CA1: variants seen among roughly 807,000 people sequenced by gnomAD.
The protein encoded by CA1 is carbonic anhydrase 1.
A neutral mutation model predicts 28.8 loss-of-function variants in CA1; 27 were observed. The ratio of observed to expected loss-of-function variants is 0.94; its 90% CI spans 0.69 to 1.29. The LOEUF (loss-of-function observed/expected upper bound fraction) is 1.29. CA1 is among the 50% of genes most tolerant of loss of function. The probability of loss-of-function intolerance (pLI) is 0.00; values close to 1 mark genes in which losing one functional copy is unlikely to be tolerated. For missense variants in CA1, 335 were observed against 310.5 expected (o/e 1.08, Z -0.59); for synonymous variants, 121 against 108.8 (o/e 1.11, Z -0.70).
chr8:85,343,952 T>C (rs745439423), intron 1 of CA1, among the ~76,000 whole-genome samples: 11 of 151,266 alleles, frequency 7.3e-5, no homozygotes, highest in Non-Finnish European at 1.3e-4. Context: ...TCAAGATGTT[T>C]AGTTTTGTAT....
chr8:85,354,130 A>ATT (rs111936911), intron 1 of CA1, among the ~76,000 whole-genome samples: 23 of 137,820 alleles, frequency 1.7e-4, no homozygotes, highest in African/African-American at 3.2e-4. Flanking sequence ...CACCCAGCTA[A>ATT]TTTTTTTTTT....
At chr8:85,369,192 G>T (rs1400791920) in intron 1 of CA1, among the ~76,000 whole-genome samples, 2 of 152,126 alleles carry the variant, frequency 1.3e-5, no homozygotes, top group African/African-American at 2.4e-5. Context: ...TTTACTTTGT[G>T]AAAGCTCTTA....
chr8:85,347,288 A>G (rs1197314942), intron 1 of CA1, among the ~76,000 whole-genome samples: 2 of 152,192 alleles, frequency 1.3e-5, no homozygotes, highest in African/African-American at 2.4e-5. Flanking sequence ...GTGTGTCTCA[A>G]CCAATCCTTT....
intron 1 of CA1, among the ~76,000 whole-genome samples, chr8:85,361,549 C>T (rs1809797359): frequency 6.6e-6 from 1 of 151,982 alleles, no homozygotes; most frequent in Non-Finnish European, 1.5e-5. Context: ...TGGTGGCAGC[C>T]ACCTGTAATC....
chr8:85,353,567 T>A (rs1461896072), intron 1 of CA1, among the ~76,000 whole-genome samples: 2 of 152,244 alleles, frequency 1.3e-5, no homozygotes, highest in East Asian at 3.8e-4. Flanking sequence ...CATTAGAATT[T>A]GGCCCTATTA....
chr8:85,339,645 G>A (rs1271612699), intron 2 of CA1, among the ~76,000 whole-genome samples: 1 of 152,206 alleles, frequency 6.6e-6, no homozygotes, highest in Non-Finnish European at 1.5e-5. Flanking sequence ...CAAGAGTTGA[G>A]ACAGGCCAAA....
intron 1 of CA1, among the ~76,000 whole-genome samples, chr8:85,348,006 T>A (rs536799238): frequency 4.1e-4 from 62 of 152,316 alleles, no homozygotes; most frequent in African/African-American, 1.4e-3. Context: ...TGGGAATCTA[T>A]GTTTTTAACA....
intron 1 of CA1, among the ~76,000 whole-genome samples, chr8:85,351,339 T>C (rs922398912): frequency 6.6e-6 from 1 of 152,232 alleles, no homozygotes; most frequent in African/African-American, 2.4e-5. Context: ...GAAACTTTGC[T>C]TAAGGATTCA....
intron 1 of CA1, among the ~76,000 whole-genome samples, chr8:85,376,235 A>C (rs1469044277): frequency 6.6e-6 from 1 of 152,010 alleles, no homozygotes; most frequent in Non-Finnish European, 1.5e-5. Context: ...GGAGGCTGAG[A>C]CACGAGAATT....
At chr8:85,354,235 A>C (rs1332676624) in intron 1 of CA1, among the ~76,000 whole-genome samples, 1 of 150,370 alleles carries the variant, frequency 6.7e-6, no homozygotes, top group Non-Finnish European at 1.5e-5. Flanking sequence ...TTGGCCTCCC[A>C]CAGTGCTGGG....
intron 1 of CA1, among the ~76,000 whole-genome samples, chr8:85,347,017 C>G (rs1165351456): frequency 6.6e-6 from 1 of 152,012 alleles, no homozygotes; most frequent in Non-Finnish European, 1.5e-5. Flanking sequence ...AGGTGAAGGT[C>G]AGTTCTATTA....
intron 7 of CA1, 51 bp from the exon 8 acceptor site, chr8:85,328,727 G>A (rs1281612574): frequency 3.3e-6 from 4 of 1,203,192 alleles, no homozygotes; most frequent in East Asian, 5.0e-5. Flanking sequence ...GTTACATAAA[G>A]CGTTTTATTT....
At chr8:85,375,175 G>A (rs1810364373) in intron 1 of CA1, among the ~76,000 whole-genome samples, 1 of 152,128 alleles carries the variant, frequency 6.6e-6, no homozygotes, top group African/African-American at 2.4e-5. Context: ...GCCTAAGTCT[G>A]TCTCACTCCA....
At chr8:85,363,368 G>A (rs1483386644) in intron 1 of CA1, among the ~76,000 whole-genome samples, 2 of 152,178 alleles carry the variant, frequency 1.3e-5, no homozygotes, top group African/African-American at 4.8e-5. Flanking sequence ...TACTTTCAAG[G>A]CATATCCGTG....
Position 85,338,377 on chromosome 8 carries a change from C to T in CA1, c.110G>A (p.Ser37Asn), listed in dbSNP as rs527238405. ...CAGAGAGGTGTCATGTTTGGTTTCA[C>T]TGGTTTTAATATCAACAGGGGACTG... ...NNQSPVDIKTSETKHDTSLKP... is the reference protein window; with the variant it reads ...NNQSPVDIKTNETKHDTSLKP... Residue 37 changes from serine (S) to asparagine (N), a missense_variant, in exon 3 of 8, where the codon AGT (serine) becomes AAT (asparagine). Physicochemically the swap from Ser to Asn is conservative, Grantham distance 46 (BLOSUM62 1). Coordinates refer to ENST00000523022, the MANE Select transcript of CA1 (RefSeq NM_001128831.4). 6.2e-7 allele frequency: 1 copy of T among 1,613,998 alleles called. No individual in the cohort carries two copies. The highest frequency in any genetic ancestry group is 1.1e-5 in the South Asian group (1 of 91,070).
At chr8:85,354,549 A>G (rs1216263949) in intron 1 of CA1, among the ~76,000 whole-genome samples, 2 of 152,170 alleles carry the variant, frequency 1.3e-5, no homozygotes, top group East Asian at 1.9e-4. Flanking sequence ...CAAATAGCTT[A>G]TAGAACAAGG....
At chr8:85,345,970 G>T (rs1384172456) in intron 1 of CA1, among the ~76,000 whole-genome samples, 2 of 151,948 alleles carry the variant, frequency 1.3e-5, no homozygotes, top group Non-Finnish European at 2.9e-5. Context: ...GGCTTTTATT[G>T]CTGTAACTAA....
intron 3 of CA1, among the ~76,000 whole-genome samples, chr8:85,337,438 C>G (rs1808708984): frequency 6.6e-6 from 1 of 152,128 alleles, no homozygotes; most frequent in African/African-American, 2.4e-5. Context: ...CAGTATGCAT[C>G]AAAAATCTTT....
intron 1 of CA1, among the ~76,000 whole-genome samples, chr8:85,354,059 G>A (rs905521918): frequency 4.0e-5 from 6 of 151,602 alleles, no homozygotes; most frequent in Admixed American, 3.9e-4. Flanking sequence ...TGCCTCCTGG[G>A]TTCAAGAGAT....
Sources: gnomAD v4.1 joint callset for allele counts (sites outside exome capture counted in the v4.1 genomes callset) on GRCh38, gnomAD v4.1.1 for gene constraint, MANE v1.5 for transcripts, NCBI Gene and HGNC (gene_info 2026-07-23, HGNC 2026-07-21) for gene names.